The following KLHL18 variants were observed in gnomAD, a reference collection of about 807,000 sequenced individuals.
KLHL18 encodes kelch like family member 18, also known as kelch-like protein 18.
A neutral mutation model predicts 58.5 loss-of-function variants in KLHL18; 38 were observed. The observed-to-expected ratio is 0.65, with a 90% CI of 0.50 to 0.85. The LOEUF (loss-of-function observed/expected upper bound fraction) is 0.85. KLHL18 is among the 40% of genes least tolerant of loss of function. The pLI, the probability that KLHL18 is intolerant of heterozygous loss-of-function variation, is 0.00. For missense variants in KLHL18, 624 were observed against 778.4 expected (o/e 0.80, Z 2.36); for synonymous variants, 303 against 301.9 (o/e 1.00, Z -0.04).
intron 1 of KLHL18, among the ~76,000 whole-genome samples, chr3:47,318,926 G>T (rs984697651): frequency 6.6e-6 from 1 of 152,022 alleles, no homozygotes; most frequent in African/African-American, 2.4e-5. Context: ...TGATAAAAAG[G>T]AAAAAAGGAC....
At chr3:47,331,468 T>A (rs2107649036) in intron 4 of KLHL18, among the ~76,000 whole-genome samples, 1 of 122,322 alleles carries the variant, frequency 8.2e-6, no homozygotes, top group South Asian at 2.9e-4. Context: ...AGTCTCACTC[T>A]GTCACCCAGG....
At chr3:47,332,602 C>T (rs1485529145) in intron 4 of KLHL18, among the ~76,000 whole-genome samples, 2 of 20,400 alleles carry the variant, frequency 9.8e-5, no homozygotes, top group South Asian at 2.1e-3. Context: ...TGACGGGGGG[C>T]GGGGGGGCAG....
chr3:47,334,924 A>G lies in KLHL18; in HGVS notation c.898+105A>G. 8.5e-7 allele frequency: 1 copy of G among 1,174,816 alleles called. No individual in the cohort carries two copies. The highest frequency in any genetic ancestry group is 1.2e-6 in the Non-Finnish European group (1 of 832,988). 72.8% of individuals were successfully genotyped at this position (1,174,816 alleles called of 1,614,324 possible). The stretch of plus-strand genomic sequence containing the variant: ...TCTGGTTTCTCTGTTTTGTACTGTC[A>G]CCACCCTTGCCCCTCTTGATTTTAT... On this transcript the variant is annotated intron_variant, in intron 6 of 9. Transcript: ENST00000232766. This position sits in a 1 kb window ranked among gnomAD's most constrained non-coding sequence, Gnocchi z 4.7.
chr3:47,305,498 C>T (rs1355818134), intron 1 of KLHL18, among the ~76,000 whole-genome samples: 1 of 151,738 alleles, frequency 6.6e-6, no homozygotes, highest in African/African-American at 2.4e-5. Context: ...TTATATATTG[C>T]TGAATTCTGT....
At chr3:47,331,810 G>A (rs150354700) in intron 4 of KLHL18, among the ~76,000 whole-genome samples, 1 of 151,844 alleles carries the variant, frequency 6.6e-6, no homozygotes, top group East Asian at 1.9e-4. Flanking sequence ...CAGAAGAGAG[G>A]GAAGAATTGA....
intron 3 of KLHL18, among the ~76,000 whole-genome samples, chr3:47,329,173 C>T (rs1474083575): frequency 6.6e-6 from 1 of 151,282 alleles, no homozygotes; most frequent in South Asian, 2.1e-4. Context: ...TAAGAGTTCC[C>T]ATACTAAAGA....
At chr3:47,330,881 A>G (rs1390320606) in intron 4 of KLHL18, among the ~76,000 whole-genome samples, 1 of 151,764 alleles carries the variant, frequency 6.6e-6, no homozygotes, top group African/African-American at 2.4e-5. Context: ...ACAGGCATGC[A>G]CCACCATGCC....
chr3:47,334,634 C>T lies in KLHL18; in HGVS notation c.762-49C>T. 6.2e-7 allele frequency: 1 copy of T among 1,603,850 alleles called. No individual in the cohort carries two copies. Among genetic ancestry groups the T allele is most frequent in the Non-Finnish European group, 8.5e-7 (1 of 1,172,090 alleles). ...CCAGGCTCAGAGATGCAAACGAGGA[C>T]TAAGTCAGGGGGATACCTCCTGTTC... On this transcript the variant is annotated intron_variant, in intron 5 of 9. Transcript: ENST00000232766. This position sits in a 1 kb window ranked among gnomAD's most constrained non-coding sequence, Gnocchi z 4.7.
intron 1 of KLHL18, among the ~76,000 whole-genome samples, chr3:47,319,017 G>T (rs1159069502): frequency 1.3e-5 from 2 of 152,200 alleles, no homozygotes; most frequent in East Asian, 3.9e-4. Context: ...CTTATTGAAG[G>T]GAAGAGCCTT....
chr3:47,297,834 T>C (rs1218186248), intron 1 of KLHL18, among the ~76,000 whole-genome samples: 1 of 152,126 alleles, frequency 6.6e-6, no homozygotes, highest in African/African-American at 2.4e-5. Context: ...TCAGCCTGGA[T>C]GGAGAGACAT....
chr3:47,300,481 T>C (rs1179369291), intron 1 of KLHL18, among the ~76,000 whole-genome samples: 1 of 150,292 alleles, frequency 6.7e-6, no homozygotes, highest in Non-Finnish European at 1.5e-5. Context: ...TTGCCCAAGC[T>C]GGTCTTGAAC....
intron 1 of KLHL18, among the ~76,000 whole-genome samples, chr3:47,314,473 C>A (rs774269733): frequency 6.7e-6 from 1 of 149,942 alleles, no homozygotes; most frequent in East Asian, 2.0e-4. Flanking sequence ...CTTATTCTTA[C>A]GCTTATTTGT....
At chr3:47,335,986 A>C (rs925221564) in intron 6 of KLHL18, among the ~76,000 whole-genome samples, 4 of 152,222 alleles carry the variant, frequency 2.6e-5, no homozygotes, top group Non-Finnish European at 5.9e-5. Flanking sequence ...TTTGATCATC[A>C]CAAAAACCTG....
At chr3:47,322,069 A>T (rs930797869) in intron 2 of KLHL18, among the ~76,000 whole-genome samples, 2 of 152,264 alleles carry the variant, frequency 1.3e-5, no homozygotes, top group Admixed American at 1.3e-4. Context: ...CAGAAATCTC[A>T]TTCTAGAAAT....
At chr3:47,342,656 G>A (rs1332444323) in intron 8 of KLHL18, 63 bp from the exon 9 acceptor site, 33 of 1,371,812 alleles carry the variant, frequency 2.4e-5, no homozygotes, top group Middle Eastern at 1.8e-4. Context: ...CTGCTAGGCT[G>A]TCTTGAGGGA....
intron 3 of KLHL18, among the ~76,000 whole-genome samples, chr3:47,325,978 T>TG (rs752209477): frequency 5.3e-5 from 8 of 151,874 alleles, no homozygotes; most frequent in African/African-American, 1.2e-4. Flanking sequence ...GACAGAGTCT[T>TG]GCTCTGTCGC....
chr3:47,340,938 A>G (rs2107664525), intron 8 of KLHL18, among the ~76,000 whole-genome samples: 1 of 152,286 alleles, frequency 6.6e-6, no homozygotes, highest in South Asian at 2.1e-4. Context: ...AAATCAGCCC[A>G]TTTTAATGGA....
At chr3:47,316,202 A>AC (rs1031402563) in intron 1 of KLHL18, among the ~76,000 whole-genome samples, 1 of 152,070 alleles carries the variant, frequency 6.6e-6, no homozygotes, top group Non-Finnish European at 1.5e-5. Context: ...ATAAAAGAAA[A>AC]CCAATACCAA....
intron 8 of KLHL18, among the ~76,000 whole-genome samples, chr3:47,342,161 G>A (rs1362341967): frequency 3.9e-5 from 6 of 152,186 alleles, no homozygotes; most frequent in African/African-American, 7.2e-5. Flanking sequence ...GCCACTGGAC[G>A]GACATGGTGC....
Sources: allele counts gnomAD v4.1 joint callset (sites outside exome capture counted in the v4.1 genomes callset), GRCh38; gene constraint gnomAD v4.1.1; non-coding constraint Gnocchi (gnomAD v3.1); transcripts MANE v1.5; gene names NCBI Gene and HGNC (gene_info 2026-07-23, HGNC 2026-07-21).